The following TENM2 variants were observed in gnomAD, a reference collection of about 807,000 sequenced individuals.
TENM2 encodes the protein teneurin-2.
Under a neutral mutation model 245.2 loss-of-function variants are expected in TENM2, and 52 were observed. The observed-to-expected ratio is 0.21, with a 90% confidence interval of 0.17 to 0.27. The LOEUF is 0.27. Ranked by LOEUF, TENM2 falls within the 10% of genes least tolerant of loss-of-function variation. TENM2 has a pLI of 1.00. For missense variants in TENM2, 3,046 were observed against 3,666.8 expected, an observed-to-expected ratio of 0.83 and a Z score of 4.37; for synonymous variants, 1,363 against 1,438.9, an observed-to-expected ratio of 0.95 and a Z score of 1.19.
At position 167,861,404 on chromosome 5, in the gene TENM2, G is replaced by C. The variant is rs991441981; in HGVS notation, c.503-14582G>C. On this transcript the variant is annotated intron_variant, in intron 2 of 28. Coordinates refer to ENST00000518659, the Ensembl canonical transcript of TENM2. ...TCAGGCACCATTTGGAGCCCCACAG[G>C]TAGTGGAAATGACAAACGTCTACAA... 3.9e-5 allele frequency among the ~76,000 whole-genome samples: 6 copies of C among 152,304 alleles called. No individual in the cohort carries two copies. The East Asian group carries it at 1.2e-3, about 29-fold the overall frequency.
exon 4 of TENM2, chr5:167,952,613 G>T: frequency 2.5e-6 from 4 of 1,611,512 alleles, no homozygotes; most frequent in Non-Finnish European, 3.4e-6. Context: ...ACAGCCAGTC[G>T]ACTCTGAGGC....
At chr5:168,139,364 ATCTTC>A (rs779716063) in intron 12 of TENM2, 2 of 399,624 alleles carry the variant, frequency 5.0e-6, no homozygotes, top group South Asian at 1.9e-5. Flanking sequence ...ATGAAATCTC[ATCTTC>A]TCTTAGCTAT....
intron 2 of TENM2, among the ~76,000 whole-genome samples, chr5:167,765,774 A>C (rs1762976555): frequency 6.6e-6 from 1 of 152,190 alleles, no homozygotes; most frequent in Non-Finnish European, 1.5e-5. Flanking sequence ...AGGGCTGATG[A>C]ATATATGCAC....
chr5:167,533,509 A>G (rs1771652501), intron 2 of TENM2, among the ~76,000 whole-genome samples: 1 of 152,116 alleles, frequency 6.6e-6, no homozygotes, highest in African/African-American at 2.4e-5. Flanking sequence ...ATGGAGCGCC[A>G]TGGTGCAATC....
intron 23 of TENM2, among the ~76,000 whole-genome samples, chr5:168,219,645 G>A (rs1379802673): frequency 6.6e-6 from 1 of 151,956 alleles, no homozygotes; most frequent in Admixed American, 6.5e-5. Context: ...GTTGGAGGAA[G>A]TTACTAGGCA....
At chr5:168,166,331 A>G (rs1422756847) in intron 13 of TENM2, among the ~76,000 whole-genome samples, 1 of 152,226 alleles carries the variant, frequency 6.6e-6, no homozygotes, top group African/African-American at 2.4e-5. Context: ...TCACTTTTCC[A>G]TCTAGAAACA....
intron 5 of TENM2, among the ~76,000 whole-genome samples, chr5:168,040,004 C>A (rs1267817052): frequency 6.6e-6 from 1 of 152,206 alleles, no homozygotes; most frequent in African/African-American, 2.4e-5. Flanking sequence ...CCACCTCCCA[C>A]TCACTGTACC....
intron 3 of TENM2, among the ~76,000 whole-genome samples, chr5:167,941,221 T>C (rs1261877260): frequency 6.6e-6 from 1 of 152,204 alleles, no homozygotes; most frequent in East Asian, 1.9e-4. Flanking sequence ...ACCTTGATTT[T>C]ATTTTAAGGT....
At chr5:167,334,201 A>T (rs1299954409) in intron 1 of TENM2, among the ~76,000 whole-genome samples, 1 of 152,182 alleles carries the variant, frequency 6.6e-6, no homozygotes, top group Non-Finnish European at 1.5e-5. Context: ...TAAGTAGCTT[A>T]CTAAAGTTCA....
At chr5:168,203,977 C>T in intron 18 of TENM2, 145 bp downstream of exon 20, 1 of 510,670 alleles carries the variant, frequency 2.0e-6, no homozygotes, top group East Asian at 3.3e-5. Flanking sequence ...GATTTTCCTA[C>T]CTTCTTCTTT....
intron 13 of TENM2, among the ~76,000 whole-genome samples, chr5:168,190,098 C>T (rs1760814712): frequency 6.6e-6 from 1 of 152,188 alleles, no homozygotes; most frequent in African/African-American, 2.4e-5. Flanking sequence ...GAGAAACACA[C>T]TAATCTGCTA....
chr5:167,472,915 C>A (rs1011834544), intron 2 of TENM2, among the ~76,000 whole-genome samples: 1 of 152,146 alleles, frequency 6.6e-6, no homozygotes, highest in Non-Finnish European at 1.5e-5. Flanking sequence ...CCAAGAACAG[C>A]TGTGACTTTC....
intron 3 of TENM2, among the ~76,000 whole-genome samples, chr5:167,894,340 A>G (rs1490314458): frequency 6.6e-6 from 1 of 152,244 alleles, no homozygotes; most frequent in Non-Finnish European, 1.5e-5. Flanking sequence ...GTTTAATAAA[A>G]TGTTTTTTCA....
At chr5:167,828,161 G>A (rs73388353) in intron 2 of TENM2, among the ~76,000 whole-genome samples, 5,286 of 152,210 alleles carry the variant, frequency 0.035, 326 homozygotes, top group African/African-American at 0.12. Context: ...TATCATCACC[G>A]TTTTACAGAT....
At chr5:167,191,956 A>G in the TENM2 span, among the ~76,000 whole-genome samples, 2 of 152,078 alleles carry the variant, frequency 1.3e-5, no homozygotes, top group Admixed American at 6.6e-5. Context: ...ATGTTGCCGG[A>G]TCCATTAGCA....
intron 2 of TENM2, among the ~76,000 whole-genome samples, chr5:167,783,710 C>T (rs1358962517): frequency 6.6e-6 from 1 of 152,134 alleles, no homozygotes; most frequent in African/African-American, 2.4e-5. Context: ...TTGTTTTTAG[C>T]ATTACGAAAC....
intron 2 of TENM2, among the ~76,000 whole-genome samples, chr5:167,842,601 A>C (rs894272120): frequency 7.0e-5 from 10 of 142,628 alleles, no homozygotes; most frequent in African/African-American, 2.4e-4. Flanking sequence ...AAAAAAAAAA[A>C]AAAAAAAAGA....
At chr5:167,887,241 T>C (rs1449085840) in intron 3 of TENM2, among the ~76,000 whole-genome samples, 1 of 152,270 alleles carries the variant, frequency 6.6e-6, no homozygotes, top group African/African-American at 2.4e-5. Flanking sequence ...TTCATGCATG[T>C]AAGTCACTTG....
At chr5:167,009,813 A>G in the TENM2 span, among the ~76,000 whole-genome samples, 1 of 152,182 alleles carries the variant, frequency 6.6e-6, no homozygotes, top group Non-Finnish European at 1.5e-5. Context: ...AGAGTGAAAT[A>G]TTTTTAACTT....
Sources: allele counts gnomAD v4.1 joint callset (sites outside exome capture counted in the v4.1 genomes callset), GRCh38; gene constraint gnomAD v4.1.1; transcripts MANE v1.5; gene names NCBI Gene and HGNC (gene_info 2026-07-23, HGNC 2026-07-21).